PDE11A: variants seen among roughly 807,000 people sequenced by gnomAD.
PDE11A encodes dual 3',5'-cyclic-AMP and -GMP phosphodiesterase 11A.
PDE11A carries 100 observed loss-of-function variants against 100.5 expected under a neutral mutation model. That is an observed-to-expected ratio of 1.00 (90% CI 0.85 to 1.18). PDE11A has a LOEUF of 1.18. PDE11A is among the 50% of genes most tolerant of loss of function. The pLI is 0.00. For missense variants in PDE11A, 1,141 were observed against 1,152.6 expected, an observed-to-expected ratio of 0.99 and a Z score of 0.15; for synonymous variants, 381 against 420.8, an observed-to-expected ratio of 0.91 and a Z score of 1.16.
At chr2:178,051,158 T>C (rs1436826573) in intron 1 of PDE11A, among the ~76,000 whole-genome samples, 1 of 152,198 alleles carries the variant, frequency 6.6e-6, no homozygotes, top group African/African-American at 2.4e-5. Flanking sequence ...AGTGGATCTC[T>C]CAGCAGAAAC....
chr2:177,870,961 T>G (rs1190824795), intron 5 of PDE11A, among the ~76,000 whole-genome samples: 1 of 152,204 alleles, frequency 6.6e-6, no homozygotes, highest in African/African-American at 2.4e-5. Flanking sequence ...AATTCCTTAT[T>G]GTTCTAAAAT....
At chr2:177,720,288 T>C (rs1324571516) in intron 12 of PDE11A, among the ~76,000 whole-genome samples, 1 of 152,164 alleles carries the variant, frequency 6.6e-6, no homozygotes, top group Non-Finnish European at 1.5e-5. Flanking sequence ...TTCAATTGCT[T>C]ACTAGGAGTG....
chr2:177,852,220 T>A (rs2083726002), intron 5 of PDE11A, among the ~76,000 whole-genome samples: 1 of 152,086 alleles, frequency 6.6e-6, no homozygotes, highest in South Asian at 2.1e-4. Flanking sequence ...GGACTGAAAG[T>A]TTCAACATAA....
chr2:178,069,635 A>AAG (rs2087098926), intron 1 of PDE11A, among the ~76,000 whole-genome samples: 1 of 152,124 alleles, frequency 6.6e-6, no homozygotes, highest in Non-Finnish European at 1.5e-5. Context: ...AAAATATTAA[A>AAG]AGGCAACTTT....
At chr2:177,724,425 AC>A (rs1350745541) in intron 12 of PDE11A, among the ~76,000 whole-genome samples, 1 of 151,976 alleles carries the variant, frequency 6.6e-6, no homozygotes, top group African/African-American at 2.4e-5. Context: ...TTTATTTTCC[AC>A]CCGTGAAGTG....
At position 177,830,089 on chromosome 2, in the gene PDE11A, C is replaced by A. The variant is rs539779907; in HGVS notation, c.1501-9794G>T. 5.3e-5 allele frequency among the ~76,000 whole-genome samples: 8 copies of A among 152,198 alleles called. No homozygotes were observed. The East Asian group carries it at 9.7e-4, about 18-fold the overall frequency. On this transcript the variant is annotated intron_variant, in intron 6 of 19. Transcript: ENST00000286063. ...GCAATCTCTGGGAGCTAAGACAGACCCTGGGCCATGGCCGGCAGAAAAATG... is the reference window on the plus strand; with the variant it reads ...GCAATCTCTGGGAGCTAAGACAGACACTGGGCCATGGCCGGCAGAAAAATG...
At chr2:177,658,226 C>G (rs1480940008) in intron 19 of PDE11A, among the ~76,000 whole-genome samples, 1 of 152,046 alleles carries the variant, frequency 6.6e-6, no homozygotes, top group Non-Finnish European at 1.5e-5. Flanking sequence ...TTCCCTGGTA[C>G]CTAGATGTCA....
At chr2:177,665,296 G>T (rs1243762737) in intron 18 of PDE11A, among the ~76,000 whole-genome samples, 3 of 125,258 alleles carry the variant, frequency 2.4e-5, no homozygotes, top group African/African-American at 6.1e-5. Context: ...ACAGAGTGAA[G>T]CCCCTGTCCC....
chr2:177,867,624 G>A (rs2084053352), intron 5 of PDE11A, among the ~76,000 whole-genome samples: 1 of 152,154 alleles, frequency 6.6e-6, no homozygotes, highest in South Asian at 2.1e-4. Flanking sequence ...TACTCGGCAG[G>A]CTGAGGCAGG....
intron 2 of PDE11A, among the ~76,000 whole-genome samples, chr2:177,988,380 C>T (rs2085965048): frequency 6.6e-6 from 1 of 152,202 alleles, no homozygotes; most frequent in African/African-American, 2.4e-5. Context: ...GTTTCCCTAG[C>T]TTTAATATTC....
In PDE11A at chr2:177,629,556, C is replaced by T. The variant is rs138134819; in HGVS notation, c.2653G>A (p.Val885Met). ...SICMPLYQALVKVNVKLKPML... is the reference protein window; with the variant it reads ...SICMPLYQALMKVNVKLKPML... ...GGCTTCAGTTTCACGTTGACCTTCA[C>T]CAGTGCCTAAAACAAAACAAAACAA... is the stretch of plus-strand genomic sequence containing the variant. The change falls in exon 20 of 20, where the codon GTG (valine) becomes ATG (methionine). Residue 885 changes from valine (V) to methionine (M), a missense_variant. Transcript: ENST00000286063. 251 of 1,613,198 alleles carry T rather than the reference C, an allele frequency of 1.6e-4. No individual in the cohort carries two copies. The African/African-American group carries it at 3.1e-3, about 20-fold the overall frequency.
At chr2:177,803,089 A>G (rs2082816884) in intron 9 of PDE11A, among the ~76,000 whole-genome samples, 1 of 151,944 alleles carries the variant, frequency 6.6e-6, no homozygotes, top group South Asian at 2.1e-4. Flanking sequence ...AAGATAACAA[A>G]TAATTTTCAC....
At chr2:178,060,601 G>A (rs1317919712) in intron 1 of PDE11A, among the ~76,000 whole-genome samples, 1 of 152,140 alleles carries the variant, frequency 6.6e-6, no homozygotes, top group African/African-American at 2.4e-5. Context: ...CCTTGGATAT[G>A]GTGGAACTGG....
At chr2:178,059,110 G>C (rs2086935078) in intron 1 of PDE11A, among the ~76,000 whole-genome samples, 1 of 152,192 alleles carries the variant, frequency 6.6e-6, no homozygotes, top group African/African-American at 2.4e-5. Flanking sequence ...ATGCCTCAGA[G>C]GTTCACATAC....
chr2:177,631,479 TCAAAAAAAAAAA>T (rs2079924330), intron 19 of PDE11A, among the ~76,000 whole-genome samples: 1 of 18,662 alleles, frequency 5.4e-5, no homozygotes, highest in South Asian at 3.9e-3. Context: ...AGACTCTATC[TCAAAAAAAAAAA>T]AAAAAAAAAA....
At chr2:178,010,372 G>A (rs1233054284) in intron 2 of PDE11A, among the ~76,000 whole-genome samples, 2 of 152,174 alleles carry the variant, frequency 1.3e-5, no homozygotes, top group East Asian at 1.9e-4. Flanking sequence ...AGTCTGCTTG[G>A]CTGACCAAGG....
intron 19 of PDE11A, among the ~76,000 whole-genome samples, chr2:177,635,814 T>C (rs73977682): frequency 0.16 from 24,962 of 151,742 alleles, 3,324 homozygotes; most frequent in African/African-American, 0.37. Context: ...CCTTTTATTC[T>C]TAATATATCT....
chr2:177,984,453 C>A (rs1193722723), intron 2 of PDE11A, among the ~76,000 whole-genome samples: 2 of 152,236 alleles, frequency 1.3e-5, no homozygotes, highest in South Asian at 4.1e-4. Flanking sequence ...ATATCTGTGC[C>A]TCCTTGGAGC....
intron 1 of PDE11A, among the ~76,000 whole-genome samples, chr2:178,054,541 C>A (rs971931149): frequency 2.0e-5 from 3 of 152,048 alleles, no homozygotes; most frequent in African/African-American, 7.2e-5. Context: ...CAAAAGAAAC[C>A]ACCATCAGAG....
Sources: allele counts gnomAD v4.1 joint callset (sites outside exome capture counted in the v4.1 genomes callset), GRCh38; gene constraint gnomAD v4.1.1; transcripts MANE v1.5; gene names NCBI Gene and HGNC (gene_info 2026-07-23, HGNC 2026-07-21).